Variants in LRRC19 observed in about 807,000 individuals in gnomAD.
LRRC19 encodes the protein leucine rich repeat containing 19.
In LRRC19, 33 loss-of-function variants were observed where a neutral mutation model predicts 33.3. The ratio of observed to expected loss-of-function variants is 0.99; its 90% CI spans 0.75 to 1.33. The LOEUF (loss-of-function observed/expected upper bound fraction) is 1.33, where lower values mean the gene tolerates loss of function less well. Among genes scored for constraint, LRRC19 ranks in the 40% most tolerant of loss-of-function variants. The pLI is 0.00. For synonymous variants in LRRC19, 184 were observed against 152.3 expected, an observed-to-expected ratio of 1.21 and a Z score of -1.53; for missense variants, 463 against 417.3, an observed-to-expected ratio of 1.11 and a Z score of -0.95.
At chr9:26,999,883 C>G (rs1165933311) in intron 1 of LRRC19, among the ~76,000 whole-genome samples, 180 bp from the exon 2 acceptor site, 1 of 151,418 alleles carries the variant, frequency 6.6e-6, no homozygotes, top group African/African-American at 2.4e-5. Context: ...GCAGTCCTCC[C>G]AACTCAGCTT....
intron 3 of LRRC19, among the ~76,000 whole-genome samples, chr9:26,997,496 G>T (rs1021316382): frequency 1.3e-5 from 2 of 151,914 alleles, no homozygotes; most frequent in African/African-American, 4.8e-5. Context: ...ACCATACCCA[G>T]CTAATTTTTG....
intron 1 of LRRC19, among the ~76,000 whole-genome samples, chr9:27,001,557 T>C (rs1828492647): frequency 6.6e-6 from 1 of 152,168 alleles, no homozygotes. Context: ...CCTGAGTGAT[T>C]ACTGATGTTG....
Position 26,993,574 on chromosome 9 carries a change from G to A in LRRC19, c.*1947C>T, listed in dbSNP as rs1827984683. ...TTACTAATTATGTAACTTTTAAAAT[G>A]ACTATTCTATAGATTATGACATAGA... On this transcript the variant is annotated 3_prime_UTR_variant, in exon 5 of 5. Transcript: ENST00000380055. The A allele has an allele frequency of 6.6e-6, 1 of 152,500 alleles. No homozygotes were observed. The highest frequency in any genetic ancestry group is 2.1e-4 in the South Asian group (1 of 4,816). 9.4% of individuals were successfully genotyped at this position (152,500 alleles called of 1,614,324 possible). A position where few individuals can be genotyped will look rare whatever the true frequency, so the allele number is the denominator to read the frequency against.
At chr9:26,998,909 G>A (rs879454797) in intron 2 of LRRC19, among the ~76,000 whole-genome samples, 6 of 152,094 alleles carry the variant, frequency 3.9e-5, no homozygotes, top group East Asian at 3.9e-4. Flanking sequence ...CAGGATAATC[G>A]CTTCAACCCA....
chr9:27,005,192 A>G (rs1303101710), intron 1 of LRRC19, among the ~76,000 whole-genome samples: 2 of 152,168 alleles, frequency 1.3e-5, no homozygotes, highest in African/African-American at 4.8e-5. Flanking sequence ...CTAAGTAAGA[A>G]GAATAGTTAT....
chr9:26,999,770 C>CTTTTTTT (rs1179000269), intron 1 of LRRC19, 67 bp from the exon 2 acceptor site: 36 of 340,168 alleles, frequency 1.1e-4, no homozygotes, highest in East Asian at 4.7e-4. Flanking sequence ...TCTGTTTATT[C>CTTTTTTT]TTTTTTTTTT....
chr9:26,997,668 T>C, intron 3 of LRRC19, 60 bp downstream of exon 3: 1 of 1,508,042 alleles, frequency 6.6e-7, no homozygotes, highest in Non-Finnish European at 8.9e-7. Flanking sequence ...ATGAGAGATT[T>C]TTCTGTGGTG....
intron 2 of LRRC19, 97 bp downstream of exon 2, chr9:26,999,517 A>T: frequency 1.1e-6 from 1 of 896,108 alleles, no homozygotes; most frequent in Non-Finnish European, 1.7e-6. Flanking sequence ...AGTAGGTCAG[A>T]TTTTCTTTGC....
At chr9:26,998,685 T>C (rs978810777) in intron 2 of LRRC19, among the ~76,000 whole-genome samples, 4 of 152,234 alleles carry the variant, frequency 2.6e-5, no homozygotes, top group Middle Eastern at 3.4e-3. Context: ...CTAGGGCTGT[T>C]CAATAATTAA....
chr9:26,998,210 T>A lies in LRRC19; in HGVS notation c.113A>T (p.Tyr38Phe), dbSNP rs1056786450. 1 of 1,506,410 alleles carries A rather than the reference T, an allele frequency of 6.6e-7. No homozygotes were observed. The highest frequency in any genetic ancestry group is 8.9e-7 in the Non-Finnish European group (1 of 1,121,012). 93.3% of individuals were successfully genotyped at this position (1,506,410 alleles called of 1,614,324 possible). A position where few individuals can be genotyped will look rare whatever the true frequency, so the allele number is the denominator to read the frequency against. The change falls in exon 3 of 5, where the codon TAT becomes TTT. Residue 38 changes from tyrosine to phenylalanine, a missense_variant. By Grantham distance (22) the Tyr-to-Phe change is conservative. Transcript: ENST00000380055. Reference protein sequence around the residue: ...EVQCNFTEKNYTLIPADIKKD... With the variant: ...EVQCNFTEKNFTLIPADIKKD... ...CTTGATATCTGCTGGAATCAAGGTA[T>A]AATTTTTTTCAGTAAAATTACATTG...
At chr9:26,998,846 C>G (rs543571729) in intron 2 of LRRC19, among the ~76,000 whole-genome samples, 1 of 150,368 alleles carries the variant, frequency 6.7e-6, no homozygotes, top group Non-Finnish European at 1.5e-5. Context: ...AAAAAAAAGT[C>G]AGCCGGGCAT....
At chr9:27,002,163 G>A (rs1246529714) in intron 1 of LRRC19, among the ~76,000 whole-genome samples, 1 of 152,128 alleles carries the variant, frequency 6.6e-6, no homozygotes, top group East Asian at 1.9e-4. Context: ...ACAGAGTCTG[G>A]CTCTGTTGCC....
At chr9:26,995,990 G>T in intron 4 of LRRC19, 141 bp from the exon 5 acceptor site, 1 of 676,810 alleles carries the variant, frequency 1.5e-6, no homozygotes, top group African/African-American at 1.8e-5. Context: ...TTTGTTTGGT[G>T]GATGAATTCT....
chr9:27,004,281 A>G (rs1333607787), intron 1 of LRRC19, among the ~76,000 whole-genome samples: 1 of 152,234 alleles, frequency 6.6e-6, no homozygotes, highest in Non-Finnish European at 1.5e-5. Flanking sequence ...AGGATTAGAA[A>G]AGGATTTTTT....
At chr9:27,001,379 C>G (rs902464600) in intron 1 of LRRC19, among the ~76,000 whole-genome samples, 3 of 151,826 alleles carry the variant, frequency 2.0e-5, no homozygotes, top group African/African-American at 7.3e-5. Context: ...TTTTAAGGAA[C>G]CTTCATACTG....
intron 1 of LRRC19, among the ~76,000 whole-genome samples, chr9:27,005,362 C>G (rs1048870670): frequency 2.4e-4 from 5 of 20,956 alleles, no homozygotes; most frequent in African/African-American, 3.0e-4. Flanking sequence ...TCCCCCCCCG[C>G]CCCCCGCAAA....
chr9:27,003,591 G>A (rs1174866264), intron 1 of LRRC19, among the ~76,000 whole-genome samples: 8 of 152,066 alleles, frequency 5.3e-5, no homozygotes, highest in East Asian at 1.9e-4. Context: ...CTCTCGCCTC[G>A]TTAGCAATAA....
chr9:26,999,335 T>G (rs1283290844), intron 2 of LRRC19, among the ~76,000 whole-genome samples: 1 of 152,156 alleles, frequency 6.6e-6, no homozygotes, highest in Non-Finnish European at 1.5e-5. Context: ...TAAAAAAAAG[T>G]TTCCTACATT....
At chr9:27,000,858 CT>C (rs1253826859) in intron 1 of LRRC19, among the ~76,000 whole-genome samples, 2 of 152,166 alleles carry the variant, frequency 1.3e-5, no homozygotes, top group African/African-American at 4.8e-5. Flanking sequence ...AAAAAAATTA[CT>C]GTAAACTATA....
Sources: allele counts gnomAD v4.1 joint callset (sites outside exome capture counted in the v4.1 genomes callset), GRCh38; gene constraint gnomAD v4.1.1; transcripts MANE v1.5; gene names NCBI Gene and HGNC (gene_info 2026-07-23, HGNC 2026-07-21).